LRP1B: variants seen among roughly 807,000 people sequenced by gnomAD.
LRP1B encodes the protein LDL receptor related protein 1B.
LRP1B carries 217 observed loss-of-function variants against 556.6 expected under a neutral mutation model. The observed-to-expected ratio is 0.39, with a 90% CI of 0.35 to 0.44. LRP1B has a LOEUF of 0.44. LRP1B is among the 20% of genes least tolerant of loss of function. The pLI is 1.00. For synonymous variants in LRP1B, 2,047 were observed against 1,865.8 expected (o/e 1.10, Z -2.50); for missense variants, 5,053 against 5,620.8 (o/e 0.90, Z 3.23).
intron 6 of LRP1B, 130 bp downstream of exon 6, chr2:141,229,053 A>G: frequency 2.4e-6 from 2 of 850,172 alleles, no homozygotes; most frequent in Non-Finnish European, 1.9e-6. Flanking sequence ...ACAGTAATTC[A>G]AGTTCATTGT....
intron 23 of LRP1B, among the ~76,000 whole-genome samples, chr2:140,893,703 T>C (rs1273086373): frequency 1.3e-5 from 2 of 152,176 alleles, no homozygotes; most frequent in Non-Finnish European, 2.9e-5. Context: ...TCCTTGTAGA[T>C]AAGGGAGTTT....
At chr2:140,830,015 G>C (rs140748696) in intron 31 of LRP1B, among the ~76,000 whole-genome samples, 1 of 151,690 alleles carries the variant, frequency 6.6e-6, no homozygotes, top group Non-Finnish European at 1.5e-5. Context: ...TACAATAAAC[G>C]GATAAATTTC....
chr2:140,471,525 A>G lies in LRP1B; in HGVS notation c.9625+3613T>C, dbSNP rs186181600. ...AATATAAATCATTTACTTAATTTTTATAATGCCACTACCAGTATTTCTAAG... is the reference window on the plus strand; with the variant it reads ...AATATAAATCATTTACTTAATTTTTGTAATGCCACTACCAGTATTTCTAAG... On this transcript the variant is annotated intron_variant, in intron 60 of 90. Coordinates refer to ENST00000389484, the MANE Select transcript of LRP1B (RefSeq NM_018557.3). Among the ~76,000 whole-genome samples, 244 of 152,320 alleles carry G rather than the reference A, an allele frequency of 1.6e-3. 1 individual carries two copies. Among genetic ancestry groups the G allele is most frequent in the African/African-American group, 5.4e-3 (223 of 41,576 alleles).
chr2:141,570,661 T>G (rs904770204), intron 2 of LRP1B, among the ~76,000 whole-genome samples: 1 of 151,018 alleles, frequency 6.6e-6, no homozygotes, highest in Admixed American at 6.6e-5. Flanking sequence ...AGCTCCCCGG[T>G]TGGGGGAAGG....
At chr2:140,779,265 C>T (rs1689605199) in intron 32 of LRP1B, among the ~76,000 whole-genome samples, 1 of 152,008 alleles carries the variant, frequency 6.6e-6, no homozygotes, top group Non-Finnish European at 1.5e-5. Flanking sequence ...AAAGAATTAC[C>T]CAGTCCTTCT....
intron 32 of LRP1B, among the ~76,000 whole-genome samples, chr2:140,812,216 T>C (rs1385048259): frequency 6.6e-6 from 1 of 152,116 alleles, no homozygotes; most frequent in Non-Finnish European, 1.5e-5. Flanking sequence ...ATGCCAACTT[T>C]GACATTTCCA....
At chr2:140,323,276 A>G (rs1317511999) in intron 81 of LRP1B, among the ~76,000 whole-genome samples, 1 of 152,024 alleles carries the variant, frequency 6.6e-6, no homozygotes, top group Admixed American at 6.6e-5. Flanking sequence ...GAATTACCTT[A>G]ATTACCTCAA....
At chr2:141,465,558 T>TTTTC (rs1464789764) in intron 3 of LRP1B, among the ~76,000 whole-genome samples, 5 of 151,658 alleles carry the variant, frequency 3.3e-5, no homozygotes, top group Non-Finnish European at 5.9e-5. Flanking sequence ...TTTTTTTTTT[T>TTTTC]TGAGACAAGG....
chr2:141,473,005 A>G (rs964041577), intron 3 of LRP1B, among the ~76,000 whole-genome samples: 2 of 150,740 alleles, frequency 1.3e-5, no homozygotes, highest in Non-Finnish European at 3.0e-5. Flanking sequence ...CGTAGGGTCA[A>G]ATTACTTAGT....
chr2:140,750,549 T>C (rs952546726), intron 35 of LRP1B, among the ~76,000 whole-genome samples: 2 of 152,208 alleles, frequency 1.3e-5, no homozygotes, highest in Admixed American at 1.3e-4. Flanking sequence ...GACTTTCCAG[T>C]GTAGAGAAAT....
At chr2:141,151,305 C>T (rs1005545283) in intron 7 of LRP1B, among the ~76,000 whole-genome samples, 1 of 152,066 alleles carries the variant, frequency 6.6e-6, no homozygotes, top group African/African-American at 2.4e-5. Context: ...GAATCCTCTG[C>T]CTACAAGTGA....
intron 83 of LRP1B, among the ~76,000 whole-genome samples, chr2:140,305,524 G>T (rs1256640669): frequency 2.0e-5 from 3 of 152,176 alleles, no homozygotes; most frequent in African/African-American, 4.8e-5. Flanking sequence ...CTTTGCTGAA[G>T]TTGCTTATTA....
chr2:140,864,559 T>A (rs1395885831), intron 27 of LRP1B, among the ~76,000 whole-genome samples: 1 of 152,110 alleles, frequency 6.6e-6, no homozygotes, highest in Non-Finnish European at 1.5e-5. Context: ...AAACCATTTT[T>A]ATTTAATGCT....
intron 1 of LRP1B, among the ~76,000 whole-genome samples, chr2:141,933,428 C>A (rs1011471204): frequency 6.6e-6 from 1 of 151,968 alleles, no homozygotes; most frequent in African/African-American, 2.4e-5. Flanking sequence ...AAGGTGAAAC[C>A]GAGTTCTGTT....
chr2:140,352,968 T>C lies in LRP1B; in HGVS notation c.11635A>G (p.Thr3879Ala), dbSNP rs1253859605. The change falls in exon 76 of 91, where the codon ACC becomes GCC. Residue 3879 changes from threonine to alanine, a missense_variant. Coordinates refer to ENST00000389484, the MANE Select transcript of LRP1B (RefSeq NM_018557.3). ...ATAATCTTACCTTCTGCTATGCAGG[T>C]GTTATTTCTTTCTTGAAAATTCTGG... ...CDQNFQERNNTCIAEGSEDQV... is the reference protein window; with the variant it reads ...CDQNFQERNNACIAEGSEDQV... 1.2e-6 allele frequency: 2 copies of C among 1,612,238 alleles called. No individual in the cohort carries two copies. The highest frequency in any genetic ancestry group is 1.7e-6 in the Non-Finnish European group (2 of 1,179,196).
intron 31 of LRP1B, among the ~76,000 whole-genome samples, chr2:140,816,700 C>A (rs1468078452): frequency 2.0e-5 from 3 of 152,008 alleles, no homozygotes; most frequent in Non-Finnish European, 4.4e-5. Flanking sequence ...TTCTTGGGTG[C>A]ATTTATTCTC....
intron 7 of LRP1B, among the ~76,000 whole-genome samples, chr2:141,109,810 A>G (rs992272736): frequency 1.5e-4 from 23 of 152,220 alleles, no homozygotes; most frequent in Admixed American, 1.2e-3. Context: ...AGCACTCAGA[A>G]TCACATTAAA....
At chr2:140,898,968 G>A in intron 23 of LRP1B, 1 of 379,984 alleles carries the variant, frequency 2.6e-6, no homozygotes, top group Non-Finnish European at 5.2e-6. Flanking sequence ...TTCTTCACCT[G>A]GAAGAGAACT....
At chr2:141,166,782 G>T (rs905452570) in intron 7 of LRP1B, among the ~76,000 whole-genome samples, 6 of 151,826 alleles carry the variant, frequency 4.0e-5, no homozygotes, top group African/African-American at 1.5e-4. Flanking sequence ...TTTACTGGTT[G>T]CAACAGAGTA....
Sources: gnomAD v4.1 joint callset for allele counts (sites outside exome capture counted in the v4.1 genomes callset) on GRCh38, gnomAD v4.1.1 for gene constraint, MANE v1.5 for transcripts, NCBI Gene and HGNC (gene_info 2026-07-23, HGNC 2026-07-21) for gene names.